The following SHISA9 variants were observed in gnomAD, a reference collection of about 807,000 sequenced individuals.
SHISA9 encodes the protein protein shisa-9.
In SHISA9, 13 loss-of-function variants were observed where a neutral mutation model predicts 38.0. The observed-to-expected ratio is 0.34, with a 90% confidence interval of 0.22 to 0.54. The LOEUF (loss-of-function observed/expected upper bound fraction) is 0.54. Among genes scored for constraint, SHISA9 ranks in the 20% least tolerant of loss-of-function variants. The probability of loss-of-function intolerance (pLI) is 0.91; values close to 1 mark genes in which losing one functional copy is unlikely to be tolerated. For missense variants in SHISA9, 538 were observed against 575.8 expected, an observed-to-expected ratio of 0.93 and a Z score of 0.67; for synonymous variants, 275 against 242.0, an observed-to-expected ratio of 1.14 and a Z score of -1.27.
intron 4 of SHISA9, among the ~76,000 whole-genome samples, chr16:13,227,106 C>G (rs1262287110): frequency 6.6e-6 from 1 of 152,192 alleles, no homozygotes; most frequent in Non-Finnish European, 1.5e-5. Context: ...GCCTGCCTCT[C>G]TAGTAGAATG....
At chr16:12,981,954 C>G (rs2072245351) in intron 2 of SHISA9, among the ~76,000 whole-genome samples, 2 of 152,182 alleles carry the variant, frequency 1.3e-5, no homozygotes, top group Admixed American at 6.5e-5. Flanking sequence ...GACTTCTAAC[C>G]TCTGGAATTG....
At chr16:13,529,184 T>C in the SHISA9 span, among the ~76,000 whole-genome samples, 1 of 152,186 alleles carries the variant, frequency 6.6e-6, no homozygotes, top group South Asian at 2.1e-4. Context: ...ATAGAATGGA[T>C]TATTTGTGGC....
the SHISA9 span, among the ~76,000 whole-genome samples, chr16:13,505,146 A>G: frequency 6.6e-6 from 1 of 152,236 alleles, no homozygotes; most frequent in African/African-American, 2.4e-5. Flanking sequence ...TATCTGAAAA[A>G]GACCAAAGCA....
At chr16:13,340,005 G>A in the SHISA9 span, among the ~76,000 whole-genome samples, 1 of 152,118 alleles carries the variant, frequency 6.6e-6, no homozygotes, top group South Asian at 2.1e-4. Context: ...CATTTGATGT[G>A]GAGGGCTATA....
At chr16:12,908,615 G>A (rs371077772) in intron 1 of SHISA9, 113 of 1,551,140 alleles carry the variant, frequency 7.3e-5, no homozygotes, top group Non-Finnish European at 8.5e-5. Context: ...GCTGCACTGC[G>A]TTTGAGTGCA....
chr16:13,283,108 T>A, the SHISA9 span, among the ~76,000 whole-genome samples: 1 of 152,152 alleles, frequency 6.6e-6, no homozygotes. Context: ...TATAAAGACT[T>A]TGAATTCTAG....
At chr16:13,060,763 C>T (rs1445791509) in intron 2 of SHISA9, among the ~76,000 whole-genome samples, 2 of 152,078 alleles carry the variant, frequency 1.3e-5, no homozygotes, top group African/African-American at 4.8e-5. Flanking sequence ...ACAAAGCCCG[C>T]CTAGGCCAGG....
At chr16:13,002,748 G>T in intron 2 of SHISA9, among the ~76,000 whole-genome samples, 1 of 151,962 alleles carries the variant, frequency 6.6e-6, no homozygotes, top group African/African-American at 2.4e-5. Context: ...GGCCAGGCTG[G>T]TCTGGAACTC....
chr16:13,058,780 T>C (rs74012254), intron 2 of SHISA9, among the ~76,000 whole-genome samples: 4,895 of 151,314 alleles, frequency 0.032, 264 homozygotes, highest in African/African-American at 0.11. Flanking sequence ...TGTGTGTGTG[T>C]GTGAATGTGT....
intron 2 of SHISA9, among the ~76,000 whole-genome samples, chr16:13,024,262 G>A (rs35894157): frequency 0.078 from 11,813 of 152,246 alleles, 614 homozygotes; most frequent in East Asian, 0.27. Flanking sequence ...ACTGGCAGCT[G>A]TAGGGAGGGA....
chr16:13,180,200 G>T (rs144843246), intron 2 of SHISA9, among the ~76,000 whole-genome samples: 1 of 152,334 alleles, frequency 6.6e-6, no homozygotes, highest in East Asian at 1.9e-4. Flanking sequence ...CCTATGAAAA[G>T]GTATAGATAT....
chr16:13,444,362 C>G, the SHISA9 span, among the ~76,000 whole-genome samples: 2 of 131,882 alleles, frequency 1.5e-5, no homozygotes, highest in Non-Finnish European at 3.2e-5. Flanking sequence ...CAGAGCAAGA[C>G]TCTGTGAAAA....
intron 2 of SHISA9, among the ~76,000 whole-genome samples, chr16:12,938,698 T>G (rs1190407614): frequency 1.3e-5 from 2 of 152,082 alleles, no homozygotes; most frequent in Non-Finnish European, 2.9e-5. Context: ...AGAGGGGGTT[T>G]CACCATGTTG....
chr16:13,019,950 TC>T (rs2072827252), intron 2 of SHISA9, among the ~76,000 whole-genome samples: 1 of 101,672 alleles, frequency 9.8e-6, no homozygotes. Context: ...TTTCTTTCTT[TC>T]TTTCTTTCCC....
the SHISA9 span, among the ~76,000 whole-genome samples, chr16:13,419,661 G>A: frequency 0.72 from 109,114 of 152,026 alleles, 39,329 homozygotes; most frequent in East Asian, 0.81. Flanking sequence ...TTGAAGACCA[G>A]GGTTGGCCAG....
At chr16:13,447,747 G>C in the SHISA9 span, among the ~76,000 whole-genome samples, 3 of 152,184 alleles carry the variant, frequency 2.0e-5, no homozygotes, top group Non-Finnish European at 4.4e-5. Context: ...GCTGCATACT[G>C]CATACACACA....
intron 2 of SHISA9, among the ~76,000 whole-genome samples, chr16:13,055,584 A>T (rs1454036539): frequency 6.6e-6 from 1 of 152,094 alleles, no homozygotes; most frequent in Non-Finnish European, 1.5e-5. Flanking sequence ...CTGTAATGTA[A>T]CTTTGTCAGA....
At chr16:13,347,871 C>A in the SHISA9 span, among the ~76,000 whole-genome samples, 1 of 151,622 alleles carries the variant, frequency 6.6e-6, no homozygotes, top group Non-Finnish European at 1.5e-5. Flanking sequence ...ATCTTAATCC[C>A]AAGAACTTGT....
chr16:13,287,345 C>T, the SHISA9 span, among the ~76,000 whole-genome samples: 4 of 152,176 alleles, frequency 2.6e-5, no homozygotes, highest in East Asian at 3.9e-4. Context: ...GTTCATATGT[C>T]GCTTATGTGC....
Sources: allele counts gnomAD v4.1 joint callset (sites outside exome capture counted in the v4.1 genomes callset), GRCh38; gene constraint gnomAD v4.1.1; transcripts MANE v1.5; gene names NCBI Gene and HGNC (gene_info 2026-07-23, HGNC 2026-07-21).